SV2C: variants seen among roughly 807,000 people sequenced by gnomAD.
SV2C encodes the protein solute carrier family 22 member B3.
A neutral mutation model predicts 79.7 loss-of-function variants in SV2C; 49 were observed. The ratio of observed to expected loss-of-function variants is 0.61; its 90% CI spans 0.49 to 0.78. The LOEUF is 0.78. Among genes scored for constraint, SV2C ranks in the 30% least tolerant of loss-of-function variants. The pLI, the probability that SV2C is intolerant of heterozygous loss-of-function variation, is 0.00. For missense variants in SV2C, 833 were observed against 912.9 expected (o/e 0.91, Z 1.13); for synonymous variants, 334 against 333.2 (o/e 1.00, Z -0.03).
downstream of SV2C, among the ~76,000 whole-genome samples, chr5:76,335,008 G>A (rs1431714863): frequency 6.6e-6 from 1 of 152,230 alleles, no homozygotes; most frequent in Non-Finnish European, 1.5e-5. Flanking sequence ...ATAGCCACAT[G>A]TAGCTATTTA....
At chr5:75,985,839 G>A in the SV2C span, among the ~76,000 whole-genome samples, 1 of 151,792 alleles carries the variant, frequency 6.6e-6, no homozygotes, top group Non-Finnish European at 1.5e-5. Context: ...TGTGAAATAG[G>A]TGCATTCACA....
chr5:75,895,489 A>G, the SV2C span, among the ~76,000 whole-genome samples: 1 of 152,140 alleles, frequency 6.6e-6, no homozygotes, highest in Admixed American at 6.6e-5. Flanking sequence ...TTAATTAAAA[A>G]CCAAATAGAA....
chr5:76,247,758 T>C (rs1482572718), intron 4 of SV2C, among the ~76,000 whole-genome samples: 3 of 152,244 alleles, frequency 2.0e-5, no homozygotes, highest in Non-Finnish European at 4.4e-5. Flanking sequence ...AAGTAGTCTT[T>C]CTTTTTGTAT....
At chr5:76,336,059 C>A (rs551688173), downstream of SV2C, among the ~76,000 whole-genome samples, 1,142 of 65,244 alleles carry the variant, frequency 0.018, 21 homozygotes, top group African/African-American at 0.043. Context: ...GGCTGACCCC[C>A]CCACCTCCCT....
the SV2C span, among the ~76,000 whole-genome samples, chr5:76,008,611 TCTC>T: frequency 1.3e-5 from 2 of 152,100 alleles, no homozygotes; most frequent in Non-Finnish European, 2.9e-5. Context: ...CTATTGCTCA[TCTC>T]CTCCCAGTTT....
At chr5:76,026,543 A>G in the SV2C span, among the ~76,000 whole-genome samples, 12 of 152,198 alleles carry the variant, frequency 7.9e-5, no homozygotes, top group Non-Finnish European at 1.6e-4. Flanking sequence ...CTCCCACTGC[A>G]AATACATAGA....
the SV2C span, among the ~76,000 whole-genome samples, chr5:76,018,301 A>G: frequency 6.6e-6 from 1 of 152,294 alleles, no homozygotes; most frequent in African/African-American, 2.4e-5. Flanking sequence ...TCATATTTCA[A>G]CTTGAGATAG....
the SV2C span, among the ~76,000 whole-genome samples, chr5:75,946,379 A>G: frequency 6.6e-6 from 1 of 152,220 alleles, no homozygotes; most frequent in Non-Finnish European, 1.5e-5. Context: ...TCATTTGATC[A>G]TATTTCTGTG....
intron 2 of SV2C, among the ~76,000 whole-genome samples, chr5:76,160,399 C>T (rs140160702): frequency 1.7e-3 from 253 of 152,184 alleles, no homozygotes; most frequent in African/African-American, 5.2e-3. Context: ...CTCTATGAAA[C>T]GGAATTGAGA....
At chr5:75,936,088 A>T in the SV2C span, among the ~76,000 whole-genome samples, 1 of 152,228 alleles carries the variant, frequency 6.6e-6, no homozygotes, top group African/African-American at 2.4e-5. Context: ...AAACTGATTT[A>T]AAAAGCATGA....
chr5:76,123,651 G>A (rs1307081890), intron 1 of SV2C, among the ~76,000 whole-genome samples: 2 of 152,196 alleles, frequency 1.3e-5, no homozygotes, highest in Non-Finnish European at 1.5e-5. Flanking sequence ...AATGGATGCA[G>A]AAAAGGCCAA....
At chr5:75,936,461 T>C in the SV2C span, among the ~76,000 whole-genome samples, 2 of 152,322 alleles carry the variant, frequency 1.3e-5, no homozygotes, top group South Asian at 2.1e-4. Context: ...ATTAATAGTA[T>C]GTAAAGGTTC....
At chr5:75,977,704 T>C in the SV2C span, among the ~76,000 whole-genome samples, 1 of 152,170 alleles carries the variant, frequency 6.6e-6, no homozygotes, top group Admixed American at 6.5e-5. Flanking sequence ...CTTCCGGCAG[T>C]GCATCTGCCA....
chr5:75,860,675 C>T, the SV2C span, among the ~76,000 whole-genome samples: 1 of 152,164 alleles, frequency 6.6e-6, no homozygotes, highest in African/African-American at 2.4e-5. Flanking sequence ...GATCACATTA[C>T]CTAACTTCAA....
At chr5:76,146,762 T>G (rs753552216) in intron 2 of SV2C, among the ~76,000 whole-genome samples, 44 of 73,702 alleles carry the variant, frequency 6.0e-4, no homozygotes, top group Non-Finnish European at 1.1e-3. Context: ...ACATCAGAAC[T>G]GGAAAGAAAG....
intron 4 of SV2C, among the ~76,000 whole-genome samples, chr5:76,266,535 G>C (rs1448381785): frequency 6.6e-6 from 1 of 152,140 alleles, no homozygotes; most frequent in Non-Finnish European, 1.5e-5. Flanking sequence ...AAGACATTAT[G>C]GTAAGTGAAA....
intron 2 of SV2C, among the ~76,000 whole-genome samples, chr5:76,192,023 C>T (rs1340798398): frequency 1.3e-5 from 2 of 152,186 alleles, no homozygotes; most frequent in African/African-American, 2.4e-5. Flanking sequence ...CTTTTGAGAG[C>T]TCCAGCTCAT....
At chr5:76,108,567 C>T (rs1748001831) in intron 1 of SV2C, among the ~76,000 whole-genome samples, 1 of 131,670 alleles carries the variant, frequency 7.6e-6, no homozygotes, top group African/African-American at 3.7e-5. Context: ...TATTCTTCAC[C>T]ATATTAGAGG....
rs556592800 is a variant in SV2C at position 76,178,895 on chromosome 5, T to C, written c.581-16024T>C. On this transcript the variant is annotated intron_variant, in intron 2 of 12. Transcript: ENST00000502798. ...GAGTTAGTTCTGTCAATTGCATAGC[T>C]TTATGTGAGGAGGACTGCAGTTTGA... Among the ~76,000 whole-genome samples the C allele has an allele frequency of 1.4e-4, 21 of 152,334 alleles. No individual in the cohort carries two copies. The South Asian group carries it at 3.9e-3, about 29-fold the overall frequency.
Sources: allele counts gnomAD v4.1 joint callset (sites outside exome capture counted in the v4.1 genomes callset), GRCh38; gene constraint gnomAD v4.1.1; transcripts MANE v1.5; gene names NCBI Gene and HGNC (gene_info 2026-07-23, HGNC 2026-07-21).